The following DRC9 variants were observed in gnomAD, a reference collection of about 807,000 sequenced individuals.
DRC9 encodes dynein regulatory complex protein 9.
At chr3:197,942,746 C>T in the DRC9 span, among the ~76,000 whole-genome samples, 33 of 151,718 alleles carry the variant, frequency 2.2e-4, no homozygotes, top group African/African-American at 6.5e-4. Context: ...GGAGAAACTC[C>T]GTCTCTACTA....
At chr3:197,945,593 C>G in the DRC9 span, 2 of 1,515,154 alleles carry the variant, frequency 1.3e-6, no homozygotes, top group East Asian at 2.3e-5. Context: ...TACATGTATA[C>G]AAAAAACATT....
chr3:197,926,018 T>C, the DRC9 span: 1 of 1,502,204 alleles, frequency 6.7e-7, no homozygotes, highest in Non-Finnish European at 9.3e-7. Flanking sequence ...AGCAGGTAAT[T>C]CTTACCTGGA....
the DRC9 span, among the ~76,000 whole-genome samples, chr3:197,909,040 C>T: frequency 1.3e-5 from 2 of 152,320 alleles, no homozygotes; most frequent in Middle Eastern, 3.4e-3. Context: ...CTTCCGCTGC[C>T]AAGGGAGCTT....
At chr3:197,932,287 A>T in the DRC9 span, 1 of 1,611,090 alleles carries the variant, frequency 6.2e-7, no homozygotes, top group Non-Finnish European at 8.5e-7. Context: ...CTGCAATCAC[A>T]TCGCTGAAAA....
At chr3:197,908,995 A>C in the DRC9 span, among the ~76,000 whole-genome samples, 2 of 151,286 alleles carry the variant, frequency 1.3e-5, no homozygotes, top group African/African-American at 4.9e-5. Context: ...CAGGCAAAGG[A>C]AGTGCGGTGT....
At chr3:197,928,312 G>A in the DRC9 span, among the ~76,000 whole-genome samples, 1 of 149,874 alleles carries the variant, frequency 6.7e-6, no homozygotes, top group South Asian at 2.1e-4. Flanking sequence ...TATTTAGCAG[G>A]TGAACACATG....
the DRC9 span, among the ~76,000 whole-genome samples, chr3:197,934,181 G>GTTTTTTTT: frequency 1.2e-5 from 1 of 82,650 alleles, no homozygotes; most frequent in African/African-American, 1.2e-4. Context: ...TTCATTCTGG[G>GTTTTTTTT]TCTTTTTTTT....
the DRC9 span, among the ~76,000 whole-genome samples, chr3:197,933,880 G>A: frequency 6.7e-6 from 1 of 148,748 alleles, no homozygotes; most frequent in Non-Finnish European, 1.5e-5. Flanking sequence ...GTGTGATCTT[G>A]GCTCACTGCA....
chr3:197,951,110 T>C, the DRC9 span: 2 of 1,613,096 alleles, frequency 1.2e-6, no homozygotes, highest in Non-Finnish European at 1.7e-6. Flanking sequence ...ACAAGTCAGA[T>C]TGGTTTTTTG....
At chr3:197,943,774 A>G in the DRC9 span, 4 of 1,613,880 alleles carry the variant, frequency 2.5e-6, no homozygotes, top group Non-Finnish European at 3.4e-6. Flanking sequence ...GAGTGGGTCT[A>G]TACCACGCAG....
At chr3:197,936,824 A>T in the DRC9 span, among the ~76,000 whole-genome samples, 1 of 152,204 alleles carries the variant, frequency 6.6e-6, no homozygotes, top group Non-Finnish European at 1.5e-5. Context: ...CTTTCAGGAA[A>T]AGATACGAGC....
chr3:197,917,457 T>C, the DRC9 span, among the ~76,000 whole-genome samples: 1 of 152,216 alleles, frequency 6.6e-6, no homozygotes, highest in African/African-American at 2.4e-5. Context: ...AGACGGAGCA[T>C]CTCTGGCACA....
the DRC9 span, among the ~76,000 whole-genome samples, chr3:197,949,044 C>T: frequency 6.6e-6 from 1 of 152,216 alleles, no homozygotes; most frequent in African/African-American, 2.4e-5. Flanking sequence ...CTTTTACATA[C>T]TTCCCATCTC....
the DRC9 span, among the ~76,000 whole-genome samples, chr3:197,924,734 G>A: frequency 6.6e-6 from 1 of 152,040 alleles, no homozygotes; most frequent in African/African-American, 2.4e-5. Flanking sequence ...TGGCCAGGAT[G>A]GTCTCGATCT....
the DRC9 span, chr3:197,951,494 A>C: frequency 1.2e-5 from 8 of 640,230 alleles, no homozygotes; most frequent in East Asian, 2.3e-4. Context: ...CTGGGATTAC[A>C]GGCGCCGGCC....
the DRC9 span, chr3:197,945,652 G>A: frequency 5.7e-6 from 9 of 1,572,030 alleles, no homozygotes; most frequent in South Asian, 3.5e-5. Context: ...GTTACCCTCC[G>A]TGGTATATTT....
the DRC9 span, chr3:197,938,539 C>T: frequency 1.3e-6 from 2 of 1,597,750 alleles, no homozygotes; most frequent in South Asian, 2.2e-5. Context: ...AAATGTCTTC[C>T]TTCCTTACCT....
chr3:197,920,037 T>TA, the DRC9 span, among the ~76,000 whole-genome samples: 50,196 of 138,108 alleles, frequency 0.36, 11,450 homozygotes, highest in African/African-American at 0.67. Context: ...CCATCTCTAC[T>TA]AAAAAAAAAA....
chr3:197,895,224 G>C, the DRC9 span, among the ~76,000 whole-genome samples: 1 of 152,082 alleles, frequency 6.6e-6, no homozygotes, highest in Non-Finnish European at 1.5e-5. Flanking sequence ...TGGCTACAAG[G>C]TAATAACATC....
Sources: allele counts gnomAD v4.1 joint callset (sites outside exome capture counted in the v4.1 genomes callset), GRCh38; gene constraint gnomAD v4.1.1; transcripts MANE v1.5; gene names NCBI Gene and HGNC (gene_info 2026-07-23, HGNC 2026-07-21).